ZNF555: variants seen among roughly 807,000 people sequenced by gnomAD.
ZNF555 encodes zinc finger protein 555.
Under a neutral mutation model 14.0 loss-of-function variants are expected in ZNF555, and 10 were observed. The observed-to-expected ratio is 0.72, with a 90% confidence interval of 0.44 to 1.21. ZNF555 has a LOEUF of 1.21. ZNF555 is among the 50% of genes most tolerant of loss of function. The probability of loss-of-function intolerance (pLI) is 0.00; values close to 1 mark genes in which losing one functional copy is unlikely to be tolerated. For missense variants in ZNF555, 747 were observed against 762.0 expected (o/e 0.98, Z 0.23); for synonymous variants, 277 against 262.4 (o/e 1.06, Z -0.54).
chr19:2,844,044 T>C (rs2087560840), intron 1 of ZNF555, among the ~76,000 whole-genome samples: 1 of 151,936 alleles, frequency 6.6e-6, no homozygotes, highest in African/African-American at 2.4e-5. Flanking sequence ...AATCTATCTT[T>C]CTTTTCTTTT....
chr19:2,852,874 C>T lies in ZNF555; in HGVS notation c.809C>T (p.Thr270Met), dbSNP rs757305346. ...GGGAAAGCTTTCAGTTATTCCTCAA[C>T]GTTTCGAAGACACACAATAACACAC... ...ECGKAFSYSSTFRRHTITHTG... is the reference protein window; with the variant it reads ...ECGKAFSYSSMFRRHTITHTG... Residue 270 changes from threonine to methionine, a missense_variant, in exon 4 of 4, where the codon ACG becomes ATG. Transcript: ENST00000334241. The T allele has an allele frequency of 2.5e-5, 40 of 1,614,074 alleles. No individual in the cohort carries two copies. The highest frequency in any genetic ancestry group is 2.9e-5 in the Non-Finnish European group (34 of 1,180,054).
intron 1 of ZNF555, 92 bp downstream of exon 1, chr19:2,841,667 GGGGCGGCCCCGGCGA>G: frequency 7.3e-7 from 1 of 1,368,740 alleles, no homozygotes; most frequent in Non-Finnish European, 9.5e-7. Context: ...AGGGACGCGG[GGGGCGGCCCCGGCGA>G]GGGCGGCGCA....
chr19:2,844,328 C>T (rs1259673111), intron 1 of ZNF555, among the ~76,000 whole-genome samples: 1 of 152,204 alleles, frequency 6.6e-6, no homozygotes, highest in Non-Finnish European at 1.5e-5. Flanking sequence ...GTCTCGAACT[C>T]CTGACCTCAG....
At position 2,853,628 on chromosome 19, in the gene ZNF555, A is replaced by T; in HGVS notation, c.1563A>T (p.Glu521Asp). 2.5e-6 allele frequency: 4 copies of T among 1,604,580 alleles called. No homozygotes were observed. The highest frequency in any genetic ancestry group is 3.4e-6 in the Non-Finnish European group (4 of 1,175,296). The change falls in exon 4 of 4, where the codon GAA (glutamate) becomes GAT (aspartate). Residue 521 changes from glutamate to aspartate, a missense_variant. Glu to Asp is a conservative substitution (Grantham distance 45). Transcript: ENST00000334241. ...KQCGKAFSWP[E>D]LLQQHVRTHT... ...GTGGGAAAGCTTTCAGTTGGCCTGA[A>T]CTTTTGCAACAACATGTGAGAACGC...
chr19:2,853,591 A>T lies in ZNF555; in HGVS notation c.1526A>T (p.Lys509Ile). ...MRRHTAEKLY[K>I]CKQCGKAFSW... ...AGACATACCGCAGAGAAACTCTATA[A>T]ATGCAAGCAGTGTGGGAAAGCTTTC... Residue 509 changes from lysine to isoleucine, a missense_variant, in exon 4 of 4, where the codon AAA becomes ATA. Lys to Ile is a moderately radical substitution (Grantham distance 102, BLOSUM62 -3). Transcript: ENST00000334241. The T allele has an allele frequency of 6.2e-7, 1 of 1,610,340 alleles. No individual in the cohort carries two copies. Among genetic ancestry groups the T allele is most frequent in the Non-Finnish European group, 8.5e-7 (1 of 1,177,760 alleles).
At position 2,853,321 on chromosome 19, in the gene ZNF555, C is replaced by G; in HGVS notation, c.1256C>G (p.Thr419Ser). ...SSFRGHMRVHTGEKPYECKQC... is the reference protein window; with the variant it reads ...SSFRGHMRVHSGEKPYECKQC... Reference sequence around the variant, plus strand: ...TTTCGAGGACACATGAGGGTGCACACTGGAGAGAAACCCTATGAGTGCAAG... The same window carrying G: ...TTTCGAGGACACATGAGGGTGCACAGTGGAGAGAAACCCTATGAGTGCAAG... The change falls in exon 4 of 4, where the codon ACT (threonine) becomes AGT (serine). Residue 419 changes from threonine (T) to serine (S), a missense_variant. Physicochemically the swap from Thr to Ser is moderately conservative, Grantham distance 58 (BLOSUM62 1). Coordinates refer to ENST00000334241, the MANE Select transcript of ZNF555 (RefSeq NM_152791.5). 7.4e-6 allele frequency: 12 copies of G among 1,614,214 alleles called. No homozygotes were observed. Among genetic ancestry groups the G allele is most frequent in the Non-Finnish European group, 1.0e-5 (12 of 1,180,032 alleles).
chr19:2,848,840 A>G (rs1035697551), intron 1 of ZNF555, among the ~76,000 whole-genome samples: 3 of 152,198 alleles, frequency 2.0e-5, no homozygotes, highest in Non-Finnish European at 2.9e-5. Flanking sequence ...GCAGCTGTTC[A>G]GCATTAACAG....
chr19:2,853,683 G>C lies in ZNF555; in HGVS notation c.1618G>C (p.Glu540Gln), dbSNP rs1463584332. 2 of 1,579,320 alleles carry C rather than the reference G, an allele frequency of 1.3e-6. No homozygotes were observed. Among genetic ancestry groups the C allele is most frequent in the Non-Finnish European group, 1.7e-6 (2 of 1,164,244 alleles). The change falls in exon 4 of 4, where the codon GAA becomes CAA. Residue 540 changes from glutamate (E) to glutamine (Q), a missense_variant. Coordinates refer to ENST00000334241, the MANE Select transcript of ZNF555 (RefSeq NM_152791.5). ...TGTAGAGAAGCCCTATGAATGTAAG[G>C]AATGTGGGAAGGTCTTCAAATGGCC... The part of the protein sequence containing the change: ...HTVEKPYECK[E>Q]CGKVFKWPSS...
chr19:2,853,588 A>G lies in ZNF555; in HGVS notation c.1523A>G (p.Tyr508Cys), dbSNP rs566249058. ...AGAAGACATACCGCAGAGAAACTCT[A>G]TAAATGCAAGCAGTGTGGGAAAGCT... is the stretch of plus-strand genomic sequence containing the variant. Reference protein sequence around the residue: ...HMRRHTAEKLYKCKQCGKAFS... With the variant: ...HMRRHTAEKLCKCKQCGKAFS... Residue 508 changes from tyrosine (Y) to cysteine (C), a missense_variant, in exon 4 of 4, where the codon TAT becomes TGT. Tyr to Cys is a radical substitution (Grantham distance 194). Coordinates refer to ENST00000334241, the MANE Select transcript of ZNF555 (RefSeq NM_152791.5). 4 of 1,609,566 alleles carry G rather than the reference A, an allele frequency of 2.5e-6. No homozygotes were observed. Among genetic ancestry groups the G allele is most frequent in the South Asian group, 1.1e-5 (1 of 90,558 alleles).
At chr19:2,845,918 G>A (rs1599561519) in intron 1 of ZNF555, among the ~76,000 whole-genome samples, 1 of 152,156 alleles carries the variant, frequency 6.6e-6, no homozygotes, top group Non-Finnish European at 1.5e-5. Context: ...GAGTGCCAGG[G>A]TAAGTACAAA....
At position 2,854,992 on chromosome 19, in the gene ZNF555, C is replaced by T. The variant is rs2087671932; in HGVS notation, c.*1040C>T. The stretch of plus-strand genomic sequence containing the variant: ...GAACACCTTGTTATCTTAATACTTC[C>T]AGTGGCTCTGTGATCCTGATTCCAC... On this transcript the variant is annotated 3_prime_UTR_variant, in exon 4 of 4. Coordinates refer to ENST00000334241, the MANE Select transcript of ZNF555 (RefSeq NM_152791.5). The T allele has an allele frequency of 6.6e-6, 1 of 152,138 alleles. No individual in the cohort carries two copies. Among genetic ancestry groups the T allele is most frequent in the South Asian group, 2.1e-4 (1 of 4,822 alleles). The allele number at this position is 152,138 out of a possible 1,614,324, so 9.4% of individuals were successfully genotyped here.
intron 1 of ZNF555, among the ~76,000 whole-genome samples, chr19:2,846,583 G>T (rs2087583901): frequency 6.6e-6 from 1 of 152,224 alleles, no homozygotes; most frequent in Non-Finnish European, 1.5e-5. Context: ...GTTAGCAGTG[G>T]ACATAGTGAG....
rs2087671722 is a variant in ZNF555 at position 2,854,972 on chromosome 19, C to T, written c.*1020C>T. ...TGGGGTCTAATTTATATAGTGAACACCTTGTTATCTTAATACTTCCAGTGG... is the reference window on the plus strand; with the variant it reads ...TGGGGTCTAATTTATATAGTGAACATCTTGTTATCTTAATACTTCCAGTGG... On this transcript the variant is annotated 3_prime_UTR_variant, in exon 4 of 4. Coordinates refer to ENST00000334241, the MANE Select transcript of ZNF555 (RefSeq NM_152791.5). 6.6e-6 allele frequency: 1 copy of T among 152,172 alleles called. No homozygotes were observed. 9.4% of individuals were successfully genotyped at this position (152,172 alleles called of 1,614,324 possible).
chr19:2,853,775 G>T lies in ZNF555; in HGVS notation c.1710G>T (p.Gly570=). 5.0e-6 allele frequency: 8 copies of T among 1,610,406 alleles called. No homozygotes were observed. Among genetic ancestry groups the T allele is most frequent in the Non-Finnish European group, 6.8e-6 (8 of 1,177,988 alleles). ...GEKPYQCKHC[G]KAFNCSSSLR... ...AACCTTATCAATGTAAGCATTGTGGGAAAGCATTCAATTGTTCCTCATCCT... is the reference window on the plus strand; with the variant it reads ...AACCTTATCAATGTAAGCATTGTGGTAAAGCATTCAATTGTTCCTCATCCT... Residue 570 remains glycine (G), a synonymous_variant, in exon 4 of 4, where the codon GGG becomes GGT. Coordinates refer to ENST00000334241, the MANE Select transcript of ZNF555 (RefSeq NM_152791.5).
intron 1 of ZNF555, 24 bp downstream of exon 1, chr19:2,841,599 C>T: frequency 6.6e-7 from 1 of 1,519,630 alleles, no homozygotes; most frequent in East Asian, 2.7e-5. Context: ...AGGAGAGGAT[C>T]CCGGTGCGGG....
In ZNF555 at chr19:2,852,627, A is replaced by G; in HGVS notation, c.562A>G (p.Arg188Gly). The change falls in exon 4 of 4, where the codon AGA (arginine) becomes GGA (glycine). Residue 188 changes from arginine to glycine, a missense_variant. Transcript: ENST00000334241. The stretch of plus-strand genomic sequence containing the variant: ...GGCCTACAGTTGTCGTTCACACCTA[A>G]GAATGCATGTGAGAACCCACAATGG... ...GQAYSCRSHL[R>G]MHVRTHNGER... 6.2e-7 allele frequency: 1 copy of G among 1,614,196 alleles called. No individual in the cohort carries two copies. The highest frequency in any genetic ancestry group is 1.6e-4 in the Middle Eastern group (1 of 6,062).
In ZNF555 at chr19:2,850,717, A is replaced by G. The variant is rs2087621997; in HGVS notation, c.130+4A>G. 3.7e-6 allele frequency: 6 copies of G among 1,613,284 alleles called. No individual in the cohort carries two copies. The highest frequency in any genetic ancestry group is 5.1e-6 in the Non-Finnish European group (6 of 1,179,434). Reference sequence around the variant, plus strand: ...TTTCAGAACCTGGCCTCAGTAGGTAAGGATGACATCATTCCTTCCTTCACG... The same window carrying G: ...TTTCAGAACCTGGCCTCAGTAGGTAGGGATGACATCATTCCTTCCTTCACG... On this transcript the variant is annotated splice_donor_region_variant and intron_variant, in intron 2 of 3. Coordinates refer to ENST00000334241, the MANE Select transcript of ZNF555 (RefSeq NM_152791.5).
rs2087679815 is a variant in ZNF555, at chr19:2,855,942, T to C, written c.*1990T>C. ...ATGATTTTACCTTAACTAATTACAT[T>C]GGCAACAGCTCTCTTTTCGCATACT... On this transcript the variant is annotated 3_prime_UTR_variant, in exon 4 of 4. Transcript: ENST00000334241. 1 of 152,200 alleles carries C rather than the reference T, an allele frequency of 6.6e-6. No homozygotes were observed. Among genetic ancestry groups the C allele is most frequent in the Non-Finnish European group, 1.5e-5 (1 of 68,034 alleles). 9.4% of individuals were successfully genotyped at this position (152,200 alleles called of 1,614,324 possible).
At chr19:2,847,216 G>C (rs1342494103) in intron 1 of ZNF555, 3 of 152,140 alleles carry the variant, frequency 2.0e-5, no homozygotes, top group Non-Finnish European at 4.4e-5. Flanking sequence ...TCGTCTCTTA[G>C]AGCTTCTGGT....
Sources: gnomAD v4.1 joint callset for allele counts (sites outside exome capture counted in the v4.1 genomes callset) on GRCh38, gnomAD v4.1.1 for gene constraint, MANE v1.5 for transcripts, NCBI Gene and HGNC (gene_info 2026-07-23, HGNC 2026-07-21) for gene names.